SH3TC1: variants seen among roughly 807,000 people sequenced by gnomAD.
The protein encoded by SH3TC1 is SH3 domain and tetratricopeptide repeat-containing protein 1.
A neutral mutation model predicts 117.3 loss-of-function variants in SH3TC1; 135 were observed. That is an observed-to-expected ratio of 1.15 (90% CI 1.00 to 1.33). The LOEUF (loss-of-function observed/expected upper bound fraction) is 1.33, where lower values mean the gene tolerates loss of function less well. Ranked by LOEUF, SH3TC1 falls within the 40% of genes most tolerant of loss-of-function variation. The pLI, the probability that SH3TC1 is intolerant of heterozygous loss-of-function variation, is 0.00. For missense variants in SH3TC1, 2,092 were observed against 1,794.3 expected (o/e 1.17, Z -3.00); for synonymous variants, 898 against 816.9 (o/e 1.10, Z -1.69).
chr4:8,239,443 C>T (rs1044148157), intron 17 of SH3TC1, among the ~76,000 whole-genome samples: 7 of 147,566 alleles, frequency 4.7e-5, no homozygotes, highest in African/African-American at 1.7e-4. Flanking sequence ...CACACACGGA[C>T]ACGCACACGC....
rs1032360286 is a variant in SH3TC1 at position 8,213,002 on chromosome 4, G to A, written c.375+174G>A. 7 of 839,674 alleles carry A rather than the reference G, an allele frequency of 8.3e-6. No individual in the cohort carries two copies. In the South Asian group the frequency reaches 1.1e-4, roughly 13 times the overall value. The allele number at this position is 839,674 out of a possible 1,614,324, so 52.0% of individuals were successfully genotyped here. A position where few individuals can be genotyped will look rare whatever the true frequency, so the allele number is the denominator to read the frequency against. ...CTGTGATACCCAGTGGGTGGCGAGG[G>A]CTTGTTTCTCCCACTTGCTTTGTGG... is the stretch of plus-strand genomic sequence containing the variant. On this transcript the variant is annotated intron_variant, in intron 4 of 17. Coordinates refer to ENST00000245105, the MANE Select transcript of SH3TC1 (RefSeq NM_018986.5).
intron 13 of SH3TC1, 141 bp from the exon 14 acceptor site, chr4:8,233,222 C>T (rs1423184435): frequency 3.8e-5 from 54 of 1,420,238 alleles, no homozygotes; most frequent in Middle Eastern, 2.6e-4. Flanking sequence ...CTCAGCAGCC[C>T]GGGAAGGGCA....
At chr4:8,216,495 G>A (rs1319386252) in intron 6 of SH3TC1, among the ~76,000 whole-genome samples, 2 of 152,204 alleles carry the variant, frequency 1.3e-5, no homozygotes, top group African/African-American at 4.8e-5. Context: ...GTGGAAGGGA[G>A]GTTCTGTCTA....
chr4:8,222,966 C>T lies in SH3TC1; in HGVS notation c.1239C>T (p.Ser413=), dbSNP rs1720089933. The T allele has an allele frequency of 5.6e-6, 9 of 1,609,794 alleles. No homozygotes were observed. Among genetic ancestry groups the T allele is most frequent in the Non-Finnish European group, 7.6e-6 (9 of 1,177,722 alleles). The change falls in exon 10 of 18, where the codon AGC becomes AGT. Residue 413 remains serine (S), a synonymous_variant. Transcript: ENST00000245105. ...MSGTDVCSVY[S]LDSVEEAETE... Reference sequence around the variant, plus strand: ...GCACCGATGTCTGCAGCGTGTACAGCCTGGGTGCGTGTGGGCGATGCCTGT... The same window carrying T: ...GCACCGATGTCTGCAGCGTGTACAGTCTGGGTGCGTGTGGGCGATGCCTGT...
chr4:8,236,947 C>A (rs1721874520), intron 16 of SH3TC1: 1 of 162,386 alleles, frequency 6.2e-6, no homozygotes, highest in Non-Finnish European at 1.3e-5. Flanking sequence ...GGGCCTGGTA[C>A]ACAGGTGTGC....
At chr4:8,196,380 C>T (rs1408372142), upstream of SH3TC1, among the ~76,000 whole-genome samples, 3 of 150,368 alleles carry the variant, frequency 2.0e-5, no homozygotes, top group African/African-American at 4.9e-5. The surrounding 1 kb of genome is among the most constrained non-coding windows in gnomAD (Gnocchi z 4.6). Context: ...CTGGTGGGGA[C>T]GTGGGGAGAG....
intron 1 of SH3TC1, among the ~76,000 whole-genome samples, chr4:8,204,438 C>T (rs1225843331): frequency 6.6e-6 from 1 of 152,212 alleles, no homozygotes; most frequent in Non-Finnish European, 1.5e-5. Flanking sequence ...CCCATTGCTC[C>T]CCGAGGCTCT....
intron 16 of SH3TC1, 63 bp downstream of exon 16, chr4:8,236,491 C>T: frequency 7.1e-7 from 1 of 1,415,296 alleles, no homozygotes; most frequent in Non-Finnish European, 9.3e-7. Flanking sequence ...GCCTCCAGGT[C>T]TGCAGGGCAG....
intron 1 of SH3TC1, among the ~76,000 whole-genome samples, chr4:8,188,050 C>T (rs756296727): frequency 3.9e-5 from 6 of 152,156 alleles, no homozygotes; most frequent in Admixed American, 1.3e-4. Flanking sequence ...CTTCCTGATG[C>T]GACAAGACAC....
At chr4:8,208,618 G>T (rs1247006544) in intron 2 of SH3TC1, among the ~76,000 whole-genome samples, 2 of 152,204 alleles carry the variant, frequency 1.3e-5, no homozygotes, top group African/African-American at 2.4e-5. Flanking sequence ...CTCCTAAAGT[G>T]CTGGGATAAC....
In SH3TC1 at chr4:8,237,586, C is replaced by A; in HGVS notation, c.3669C>A (p.Asn1223Lys). Residue 1223 changes from asparagine (N) to lysine (K), a missense_variant, in exon 17 of 18, where the codon AAC becomes AAA. By Grantham distance (94) the Asn-to-Lys change is moderately conservative (BLOSUM62 0). Transcript: ENST00000245105. Reference sequence around the variant, plus strand: ...ACCTCAAGGCCCTGTCGCTCTGCAACTCGCCGCTGGAGTTTGACGAGGAGA... The same window carrying A: ...ACCTCAAGGCCCTGTCGCTCTGCAAATCGCCGCTGGAGTTTGACGAGGAGA... The part of the protein sequence containing the change: ...HFYLKALSLC[N>K]SPLEFDEETL... The A allele has an allele frequency of 1.2e-6, 2 of 1,612,576 alleles. No individual in the cohort carries two copies. Among genetic ancestry groups the A allele is most frequent in the East Asian group, 4.5e-5 (2 of 44,828 alleles).
Position 8,228,208 on chromosome 4 carries a change from T to C in SH3TC1, c.2514T>C (p.His838=). The change falls in exon 12 of 18, where the codon CAT becomes CAC. Residue 838 remains histidine (H), a synonymous_variant. Transcript: ENST00000245105. ...LVALAWLHVL[H]GQSPVALDIL... The stretch of plus-strand genomic sequence containing the variant: ...CCCTGGCCTGGCTGCACGTGCTTCA[T>C]GGGCAGAGCCCGGTGGCCCTGGACA... 2 of 1,609,300 alleles carry C rather than the reference T, an allele frequency of 1.2e-6. No homozygotes were observed. Among genetic ancestry groups the C allele is most frequent in the South Asian group, 1.1e-5 (1 of 90,710 alleles).
rs770776743 is a variant in SH3TC1 at position 8,227,211 on chromosome 4, T to C, written c.1517T>C (p.Leu506Pro). ...GCCCTGAGCTCACTGCTGCTGTTCCTGAACGCCCCTGGGTACAAGGCCAGC... is the reference window on the plus strand; with the variant it reads ...GCCCTGAGCTCACTGCTGCTGTTCCCGAACGCCCCTGGGTACAAGGCCAGC... ...PEALSSLLLF[L>P]NAPGYKASFR... The change falls in exon 12 of 18, where the codon CTG becomes CCG. Residue 506 changes from leucine to proline, a missense_variant. Coordinates refer to ENST00000245105, the MANE Select transcript of SH3TC1 (RefSeq NM_018986.5). The C allele has an allele frequency of 2.6e-6, 4 of 1,563,296 alleles. No individual in the cohort carries two copies. Among genetic ancestry groups the C allele is most frequent in the South Asian group, 2.3e-5 (2 of 85,888 alleles).
chr4:8,222,578 T>A (rs980294215), intron 9 of SH3TC1, among the ~76,000 whole-genome samples: 60 of 152,108 alleles, frequency 3.9e-4, no homozygotes, highest in African/African-American at 1.3e-3. Context: ...TTCACCATGT[T>A]GGCCAGGCTG....
At chr4:8,232,528 T>A in intron 13 of SH3TC1, 1 of 1,378,332 alleles carries the variant, frequency 7.3e-7, no homozygotes, top group African/African-American at 1.4e-5. Flanking sequence ...ACCTGTCCCC[T>A]TAAATGTGAC....
intron 5 of SH3TC1, chr4:8,215,213 G>A (rs954142444): frequency 1.0e-4 from 46 of 456,124 alleles, no homozygotes; most frequent in Middle Eastern, 6.5e-4. Flanking sequence ...AGTGCTGACC[G>A]GGAAAGCTGT....
Position 8,233,346 on chromosome 4 carries a change from C to T in SH3TC1, c.3132-17C>T. On this transcript the variant is annotated splice_polypyrimidine_tract_variant and intron_variant, in intron 13 of 17. Transcript: ENST00000245105. ...GAGGATGACAGCCCTTGTTCTGACA[C>T]CTGTGTCTGATACCAGGGCCTACAA... 6.3e-7 allele frequency: 1 copy of T among 1,595,380 alleles called. No individual in the cohort carries two copies. Among genetic ancestry groups the T allele is most frequent in the Non-Finnish European group, 8.5e-7 (1 of 1,169,980 alleles).
In SH3TC1 at chr4:8,222,945, C is replaced by T. The variant is rs373308292; in HGVS notation, c.1218C>T (p.Thr406=). The T allele has an allele frequency of 7.7e-5, 124 of 1,612,442 alleles. 1 individual carries two copies. In the East Asian group the frequency reaches 2.3e-3, roughly 30 times the overall value. ...AGTTGCTGAGGCGGATGTCGGGCACCGATGTCTGCAGCGTGTACAGCCTGG... is the reference window on the plus strand; with the variant it reads ...AGTTGCTGAGGCGGATGTCGGGCACTGATGTCTGCAGCGTGTACAGCCTGG... ...ARQLLRRMSG[T]DVCSVYSLDS... Residue 406 remains threonine (T), a synonymous_variant, in exon 10 of 18, where the codon ACC becomes ACT. Coordinates refer to ENST00000245105, the MANE Select transcript of SH3TC1 (RefSeq NM_018986.5).
rs1222374989 is a variant in SH3TC1, at chr4:8,227,440, C to T, written c.1746C>T (p.Tyr582=). The T allele has an allele frequency of 3.2e-6, 5 of 1,560,316 alleles. No homozygotes were observed. Among genetic ancestry groups the T allele is most frequent in the Non-Finnish European group, 4.3e-6 (5 of 1,157,370 alleles). ...TCAAGCTGTCCCAGGCCCGGGTGTACTTTGAGGAAGCGCTGGGGGCCCTGG... is the reference window on the plus strand; with the variant it reads ...TCAAGCTGTCCCAGGCCCGGGTGTATTTTGAGGAAGCGCTGGGGGCCCTGG... The part of the protein sequence containing the change: ...RRLKLSQARV[Y]FEEALGALEG... The change falls in exon 12 of 18, where the codon TAC becomes TAT. Residue 582 remains tyrosine (Y), a synonymous_variant. Transcript: ENST00000245105.
Sources: gnomAD v4.1 joint callset for allele counts (sites outside exome capture counted in the v4.1 genomes callset) on GRCh38, gnomAD v4.1.1 for gene constraint, Gnocchi (gnomAD v3.1) non-coding constraint, MANE v1.5 for transcripts, NCBI Gene and HGNC (gene_info 2026-07-23, HGNC 2026-07-21) for gene names.